SYT9: variants seen among roughly 807,000 people sequenced by gnomAD.
SYT9 encodes the protein synaptotagmin 9, also known as synaptotagmin-9.
A neutral mutation model predicts 48.4 loss-of-function variants in SYT9; 22 were observed. That is an observed-to-expected ratio of 0.45 (90% confidence interval 0.32 to 0.65). The LOEUF (loss-of-function observed/expected upper bound fraction) is 0.65. SYT9 is among the 30% of genes least tolerant of loss of function. The probability of loss-of-function intolerance (pLI) is 0.03; values close to 1 mark genes in which losing one functional copy is unlikely to be tolerated. For missense variants in SYT9, 577 were observed against 622.0 expected, an observed-to-expected ratio of 0.93 and a Z score of 0.77; for synonymous variants, 265 against 245.0, an observed-to-expected ratio of 1.08 and a Z score of -0.76.
At chr11:7,424,777 G>C (rs577947721) in intron 6 of SYT9, among the ~76,000 whole-genome samples, 6 of 152,316 alleles carry the variant, frequency 3.9e-5, no homozygotes, top group Non-Finnish European at 8.8e-5. Context: ...TTGGATGTCT[G>C]CCTCACTCCA....
chr11:7,407,602 G>A lies in SYT9; in HGVS notation c.1045-8440G>A, dbSNP rs1306429931. On this transcript the variant is annotated intron_variant, in intron 3 of 6. Coordinates refer to ENST00000318881, the MANE Select transcript of SYT9 (RefSeq NM_175733.4). ...TCACCTTGTTAGCCAGGATGGTCTC[G>A]ATCTCCTGACCTCATGATCCACCCG... 1.3e-4 allele frequency among the ~76,000 whole-genome samples: 7 copies of A among 53,298 alleles called. 2 individuals are homozygous for A. The highest frequency in any genetic ancestry group is 2.5e-4 in the Non-Finnish European group (7 of 27,538). The allele number at this position is 53,298 out of a possible 152,430, so 35.0% of individuals were successfully genotyped here. A position where few individuals can be genotyped will look rare whatever the true frequency, so the allele number is the denominator to read the frequency against.
intron 3 of SYT9, among the ~76,000 whole-genome samples, chr11:7,327,825 A>G (rs2133972888): frequency 1.8e-5 from 1 of 55,964 alleles, no homozygotes; most frequent in South Asian, 9.6e-4. Flanking sequence ...CGCAAGAACA[A>G]AAAACCAAAC....
At chr11:7,409,394 TGAG>T (rs1847089317) in intron 3 of SYT9, among the ~76,000 whole-genome samples, 1 of 152,148 alleles carries the variant, frequency 6.6e-6, no homozygotes, top group South Asian at 2.1e-4. Context: ...TATAATGACT[TGAG>T]GAGAGGTCTT....
chr11:7,361,337 T>G (rs1406612034), intron 3 of SYT9, among the ~76,000 whole-genome samples: 1 of 152,226 alleles, frequency 6.6e-6, no homozygotes, highest in Non-Finnish European at 1.5e-5. Context: ...CTTCCAAATC[T>G]GTGGACTTGT....
chr11:7,340,477 A>G (rs1021079728), intron 3 of SYT9, among the ~76,000 whole-genome samples: 1 of 152,074 alleles, frequency 6.6e-6, no homozygotes, highest in African/African-American at 2.4e-5. Flanking sequence ...GTTCTTTCTC[A>G]TCTCTGCATG....
At chr11:7,291,248 G>C (rs72855023) in intron 1 of SYT9, among the ~76,000 whole-genome samples, 3,262 of 152,292 alleles carry the variant, frequency 0.021, 39 homozygotes, top group South Asian at 0.064. Flanking sequence ...GAGTGGAGGA[G>C]AGTAGATTTG....
At chr11:7,403,911 A>C (rs56211950) in intron 3 of SYT9, among the ~76,000 whole-genome samples, 2,218 of 152,240 alleles carry the variant, frequency 0.015, 48 homozygotes, top group African/African-American at 0.049. Context: ...TTATCCTCAC[A>C]GTTCTTTTAG....
intron 1 of SYT9, among the ~76,000 whole-genome samples, chr11:7,283,420 T>A (rs1848538306): frequency 6.6e-6 from 1 of 152,072 alleles, no homozygotes. Context: ...CTTATTCTAC[T>A]TTAAGGAAAT....
intron 3 of SYT9, among the ~76,000 whole-genome samples, chr11:7,333,829 A>T (rs548744239): frequency 6.6e-6 from 1 of 152,320 alleles, no homozygotes; most frequent in African/African-American, 2.4e-5. Context: ...CAGGCAATGT[A>T]TTGGACATCA....
chr11:7,377,810 C>G (rs1180187452), intron 3 of SYT9, among the ~76,000 whole-genome samples: 1 of 152,180 alleles, frequency 6.6e-6, no homozygotes, highest in Non-Finnish European at 1.5e-5. Context: ...GGGCTCCCCA[C>G]TTGGGAATGG....
At chr11:7,400,446 A>C in intron 3 of SYT9, among the ~76,000 whole-genome samples, 1 of 152,230 alleles carries the variant, frequency 6.6e-6, no homozygotes, top group East Asian at 1.9e-4. Context: ...ATCAGTAATT[A>C]AACTCCAGTT....
At chr11:7,434,426 A>C (rs1847664512) in intron 6 of SYT9, among the ~76,000 whole-genome samples, 1 of 152,164 alleles carries the variant, frequency 6.6e-6, no homozygotes, top group African/African-American at 2.4e-5. Context: ...TGGTTTTAGA[A>C]AACATGATGG....
intron 3 of SYT9, among the ~76,000 whole-genome samples, chr11:7,385,178 C>T (rs1338572555): frequency 2.0e-5 from 3 of 151,784 alleles, no homozygotes; most frequent in African/African-American, 4.8e-5. Context: ...TCTTCACACA[C>T]AAGAAATATA....
Position 7,467,033 on chromosome 11 carries a change from A to G in SYT9, c.*233A>G. The G allele has an allele frequency of 1.8e-6, 1 of 550,960 alleles. No individual in the cohort carries two copies. Among genetic ancestry groups the G allele is most frequent in the Admixed American group, 3.3e-5 (1 of 30,100 alleles). The allele number at this position is 550,960 out of a possible 1,614,324, so 34.1% of individuals were successfully genotyped here. On this transcript the variant is annotated 3_prime_UTR_variant, in exon 7 of 7. Transcript: ENST00000318881. The stretch of plus-strand genomic sequence containing the variant: ...TGTGCTGCAGGGAAGCATGTCTCTC[A>G]TGCCAAGAACCAAGATCGGACTATG...
At chr11:7,374,742 C>A (rs1311666974) in intron 3 of SYT9, among the ~76,000 whole-genome samples, 3 of 152,178 alleles carry the variant, frequency 2.0e-5, no homozygotes, top group South Asian at 2.1e-4. Flanking sequence ...CTGTTCATAT[C>A]CTTCACCCAC....
intron 3 of SYT9, among the ~76,000 whole-genome samples, chr11:7,374,898 T>A (rs1850425761): frequency 6.6e-6 from 1 of 152,228 alleles, no homozygotes; most frequent in South Asian, 2.1e-4. Flanking sequence ...ATAGTTTCTT[T>A]CCCTGTGCAG....
upstream of SYT9, among the ~76,000 whole-genome samples, chr11:7,246,987 T>G (rs1847800630): frequency 6.6e-6 from 1 of 152,224 alleles, no homozygotes; most frequent in African/African-American, 2.4e-5. Context: ...AGCTCAAGGT[T>G]GCAGCCAATT....
intron 1 of SYT9, among the ~76,000 whole-genome samples, chr11:7,263,223 G>A (rs1435605041): frequency 4.6e-5 from 7 of 152,180 alleles, no homozygotes; most frequent in African/African-American, 1.7e-4. Flanking sequence ...ATTTCTCACA[G>A]TTCTGGAGGC....
intron 3 of SYT9, 71 bp downstream of exon 3, chr11:7,314,012 AT>A (rs1211447995): frequency 5.3e-6 from 8 of 1,510,666 alleles, no homozygotes; most frequent in Admixed American, 1.8e-5. Context: ...TTACTTACAC[AT>A]TATCTTGAGG....
Sources: allele counts gnomAD v4.1 joint callset (sites outside exome capture counted in the v4.1 genomes callset), GRCh38; gene constraint gnomAD v4.1.1; transcripts MANE v1.5; gene names NCBI Gene and HGNC (gene_info 2026-07-23, HGNC 2026-07-21).